The following ITSN2 variants were observed in gnomAD, a reference collection of about 807,000 sequenced individuals.
ITSN2 encodes the protein intersectin 2.
In ITSN2, 156 loss-of-function variants were observed where a neutral mutation model predicts 243.7. The observed-to-expected ratio is 0.64, with a 90% CI of 0.56 to 0.73. ITSN2 has a LOEUF of 0.73. Ranked by LOEUF, ITSN2 falls within the 30% of genes least tolerant of loss-of-function variation. The pLI is 0.00. For missense variants in ITSN2, 1,801 were observed against 1,996.1 expected (o/e 0.90, Z 1.86); for synonymous variants, 703 against 699.9 (o/e 1.00, Z -0.07).
chr2:24,272,491 G>A (rs1334113694), intron 18 of ITSN2, among the ~76,000 whole-genome samples: 1 of 150,090 alleles, frequency 6.7e-6, no homozygotes, highest in Non-Finnish European at 1.5e-5. Flanking sequence ...GAGTACAGTG[G>A]TTCAATCACA....
intron 8 of ITSN2, among the ~76,000 whole-genome samples, chr2:24,307,414 A>T (rs1380198669): frequency 1.3e-5 from 2 of 152,216 alleles, no homozygotes; most frequent in African/African-American, 4.8e-5. Context: ...AAATTACAGA[A>T]AATCTTAGTT....
chr2:24,276,661 G>A (rs1359679201), intron 17 of ITSN2, among the ~76,000 whole-genome samples: 1 of 152,100 alleles, frequency 6.6e-6, no homozygotes, highest in Non-Finnish European at 1.5e-5. Context: ...CATCTTACGT[G>A]GTTTTAAAAG....
chr2:24,319,735 G>A (rs1684334532), intron 2 of ITSN2, among the ~76,000 whole-genome samples: 1 of 152,198 alleles, frequency 6.6e-6, no homozygotes, highest in African/African-American at 2.4e-5. Context: ...CCCCTCTTCT[G>A]ATGTAGGTCC....
At chr2:24,220,497 A>G (rs1670341531) in intron 30 of ITSN2, 2 of 999,252 alleles carry the variant, frequency 2.0e-6, no homozygotes, top group Non-Finnish European at 2.4e-6. Context: ...TGATACAACC[A>G]TGAGGTGAAC....
At chr2:24,352,018 ATAT>A (rs2151944025) in intron 1 of ITSN2, among the ~76,000 whole-genome samples, 1 of 152,318 alleles carries the variant, frequency 6.6e-6, no homozygotes, top group South Asian at 2.1e-4. Flanking sequence ...TGTTAACAGT[ATAT>A]TGTTATAATT....
At chr2:24,310,877 T>C (rs1683181376) in intron 5 of ITSN2, among the ~76,000 whole-genome samples, 185 bp from the exon 6 acceptor site, 1 of 152,194 alleles carries the variant, frequency 6.6e-6, no homozygotes, top group African/African-American at 2.4e-5. Flanking sequence ...TTAATACTAA[T>C]ACTCTGATCT....
intron 36 of ITSN2, 36 bp from the exon 37 acceptor site, chr2:24,208,355 C>T (rs1226867543): frequency 1.3e-6 from 2 of 1,531,230 alleles, no homozygotes; most frequent in Non-Finnish European, 1.8e-6. Context: ...TGGCCGCATC[C>T]CACCCTCACA....
chr2:24,345,844 T>G (rs188276649), intron 1 of ITSN2, among the ~76,000 whole-genome samples: 1 of 152,370 alleles, frequency 6.6e-6, no homozygotes, highest in African/African-American at 2.4e-5. Flanking sequence ...TTTGTTGGTC[T>G]TTCTTTTATG....
intron 7 of ITSN2, among the ~76,000 whole-genome samples, chr2:24,309,412 C>G (rs867508274): frequency 6.6e-6 from 1 of 152,194 alleles, no homozygotes; most frequent in African/African-American, 2.4e-5. Flanking sequence ...TTGCCCCAGG[C>G]TGGTCTCGAA....
At position 24,212,715 on chromosome 2, in the gene ITSN2, G is replaced by A; in HGVS notation, c.4024C>T (p.Pro1342Ser). 1.2e-6 allele frequency: 2 copies of A among 1,614,040 alleles called. No individual in the cohort carries two copies. The highest frequency in any genetic ancestry group is 1.7e-6 in the Non-Finnish European group (2 of 1,179,978). The change falls in exon 33 of 40, where the codon CCC (proline) becomes TCC (serine). Residue 1342 changes from proline (P) to serine (S), a missense_variant. By Grantham distance (74) the Pro-to-Ser change is moderately conservative. Transcript: ENST00000355123. ...GGTTTCAGCAGGAAGCTGGAGAGGG[G>A]CATTCCTTTACACCGCGGGTCAGAT... ...LASDPRCKGMPLSSFLLKPMQ... is the reference protein window; with the variant it reads ...LASDPRCKGMSLSSFLLKPMQ...
rs779699453 is a variant in ITSN2, at chr2:24,275,704, C to T, written c.2081+9G>A. 3 of 1,597,886 alleles carry T rather than the reference C, an allele frequency of 1.9e-6. No homozygotes were observed. The East Asian group carries it at 6.7e-5, about 36-fold the overall frequency. Reference sequence around the variant, plus strand: ...CAATATAGCACAATAAATATATCAGCTATATTACCTTGCAGCCTCATCTTC... The same window carrying T: ...CAATATAGCACAATAAATATATCAGTTATATTACCTTGCAGCCTCATCTTC... On this transcript the variant is annotated intron_variant, in intron 18 of 39. Transcript: ENST00000355123.
At chr2:24,296,362 T>TG (rs1680958903) in intron 13 of ITSN2, among the ~76,000 whole-genome samples, 1 of 152,082 alleles carries the variant, frequency 6.6e-6, no homozygotes. Context: ...AAGGGTGACA[T>TG]GGGGGGTTAT....
chr2:24,203,637 T>A lies in ITSN2; in HGVS notation c.5083A>T (p.Thr1695Ser), dbSNP rs1383053234. Reference protein sequence around the residue: ...RFDLQLFEQKTLL With the variant: ...RFDLQLFEQKSLL ...GTCCTTTAGAACCCCTACAGGAGAG[T>A]TTTTTGCTCAAAAAGCTGCAGGTCA... The change falls in exon 40 of 40, where the codon ACT becomes TCT. Residue 1695 changes from threonine to serine, a missense_variant. By Grantham distance (58) the Thr-to-Ser change is moderately conservative. Coordinates refer to ENST00000355123, the MANE Select transcript of ITSN2 (RefSeq NM_006277.3). 1.2e-6 allele frequency: 2 copies of A among 1,613,128 alleles called. No individual in the cohort carries two copies. The highest frequency in any genetic ancestry group is 1.7e-6 in the Non-Finnish European group (2 of 1,179,674).
rs548469221 is a variant in ITSN2 at position 24,275,699 on chromosome 2, A to G, written c.2081+14T>C. ...AATGGCAATATAGCACAATAAATAT[A>G]TCAGCTATATTACCTTGCAGCCTCA... On this transcript the variant is annotated intron_variant, in intron 18 of 39. Coordinates refer to ENST00000355123, the MANE Select transcript of ITSN2 (RefSeq NM_006277.3). 6.3e-7 allele frequency: 1 copy of G among 1,589,102 alleles called. No homozygotes were observed. Among genetic ancestry groups the G allele is most frequent in the African/African-American group, 1.3e-5 (1 of 74,186 alleles).
In ITSN2 at chr2:24,204,464, A is replaced by G. The variant is rs1668634162; in HGVS notation, c.4763-46T>C. On this transcript the variant is annotated intron_variant, in intron 38 of 39. Transcript: ENST00000355123. The surrounding 1 kb of genome is among the most constrained non-coding windows in gnomAD (Gnocchi z 5.1). Reference sequence around the variant, plus strand: ...GACACATGTGGTGCATGCAGGTAAAACGAAGCGACTGACAGTGCCCTCCCT... The same window carrying G: ...GACACATGTGGTGCATGCAGGTAAAGCGAAGCGACTGACAGTGCCCTCCCT... 6.4e-7 allele frequency: 1 copy of G among 1,568,202 alleles called. No individual in the cohort carries two copies. The highest frequency in any genetic ancestry group is 8.8e-7 in the Non-Finnish European group (1 of 1,138,536).
At chr2:24,253,832 T>G (rs1463142195) in intron 24 of ITSN2, among the ~76,000 whole-genome samples, 1 of 152,222 alleles carries the variant, frequency 6.6e-6, no homozygotes, top group Non-Finnish European at 1.5e-5. Flanking sequence ...CATTTATAAA[T>G]GTATGTAACT....
chr2:24,319,979 T>C lies in ITSN2; in HGVS notation c.32-4755A>G, dbSNP rs573755985. On this transcript the variant is annotated intron_variant, in intron 2 of 39. Transcript: ENST00000355123. ...ACTGGCTAGGGTTGTCAGAGATTTA[T>C]CCTAGATTTTCTTTTTTTGCAGGCT... is the stretch of plus-strand genomic sequence containing the variant. Among the ~76,000 whole-genome samples, 53 of 152,338 alleles carry C rather than the reference T, an allele frequency of 3.5e-4. No individual in the cohort carries two copies. The South Asian group carries it at 0.011, about 31-fold the overall frequency.
chr2:24,215,899 C>T (rs1002716430), intron 32 of ITSN2, 150 bp downstream of exon 32: 1 of 525,554 alleles, frequency 1.9e-6, no homozygotes, highest in African/African-American at 2.0e-5. Context: ...CAACACAAAA[C>T]AATCGGAAAA....
chr2:24,209,750 G>A, intron 35 of ITSN2, 68 bp downstream of exon 35: 2 of 1,248,508 alleles, frequency 1.6e-6, no homozygotes. Flanking sequence ...GGTCTGCCAG[G>A]AAGGCCTTAA....
Sources: allele counts gnomAD v4.1 joint callset (sites outside exome capture counted in the v4.1 genomes callset), GRCh38; gene constraint gnomAD v4.1.1; non-coding constraint Gnocchi (gnomAD v3.1); transcripts MANE v1.5; gene names NCBI Gene and HGNC (gene_info 2026-07-23, HGNC 2026-07-21).